TRHDE: variants seen among roughly 807,000 people sequenced by gnomAD.
The protein encoded by TRHDE is thyrotropin releasing hormone degrading enzyme.
In TRHDE, 72 loss-of-function variants were observed where a neutral mutation model predicts 125.7. The ratio of observed to expected loss-of-function variants is 0.57; its 90% CI spans 0.47 to 0.70. TRHDE has a LOEUF of 0.70. Among genes scored for constraint, TRHDE ranks in the 30% least tolerant of loss-of-function variants. The probability of loss-of-function intolerance (pLI) is 0.00; values close to 1 mark genes in which losing one functional copy is unlikely to be tolerated. For missense variants in TRHDE, 1,110 were observed against 1,327.1 expected, an observed-to-expected ratio of 0.84 and a Z score of 2.54; for synonymous variants, 509 against 509.1, an observed-to-expected ratio of 1.00 and a Z score of 0.00.
At chr12:72,187,477 C>CGTGGTGGTGGTGGTGGTG (rs1168433112) in intron 2 of TRHDE, among the ~76,000 whole-genome samples, 1 of 104,570 alleles carries the variant, frequency 9.6e-6, no homozygotes, top group Non-Finnish European at 2.0e-5. Context: ...TGGTTGTGGT[C>CGTGGTGGTGGTGGTGGTG]GTGGTGGTGG....
intron 3 of TRHDE, among the ~76,000 whole-genome samples, chr12:72,415,382 C>T (rs1263630732): frequency 6.6e-6 from 1 of 151,984 alleles, no homozygotes; most frequent in African/African-American, 2.4e-5. Context: ...TTGTTAGGAA[C>T]ATTCTAATCA....
chr12:72,212,423 A>G (rs929710790), intron 2 of TRHDE, among the ~76,000 whole-genome samples: 2 of 152,152 alleles, frequency 1.3e-5, no homozygotes, highest in Non-Finnish European at 2.9e-5. Flanking sequence ...TCAGGAAGTT[A>G]AAAGAATCCA....
intron 2 of TRHDE, among the ~76,000 whole-genome samples, chr12:72,323,140 T>C (rs1418272683): frequency 6.6e-6 from 1 of 152,136 alleles, no homozygotes; most frequent in Admixed American, 6.6e-5. Flanking sequence ...CAAAAATGTG[T>C]CTATATAAAG....
chr12:72,436,364 TTTAA>T (rs1380619132), intron 3 of TRHDE, among the ~76,000 whole-genome samples: 40 of 152,154 alleles, frequency 2.6e-4, no homozygotes, highest in South Asian at 2.1e-4. Flanking sequence ...GCTTGTTTAA[TTTAA>T]TTAATCATTT....
intron 2 of TRHDE, among the ~76,000 whole-genome samples, chr12:72,196,644 A>G (rs986911362): frequency 3.9e-5 from 6 of 151,980 alleles, no homozygotes; most frequent in African/African-American, 1.2e-4. Context: ...ACCTACTTAT[A>G]CCTATGCCAT....
Position 72,520,397 on chromosome 12 carries a change from T to C in TRHDE, c.1722+20762T>C, listed in dbSNP as rs185255002. ...GCGCAGTATTCGGGTGGGAGTGACC[T>C]GATTTTCCAGGTGCCGACCGTCACG... On this transcript the variant is annotated intron_variant, in intron 6 of 18. Transcript: ENST00000261180. Among the ~76,000 whole-genome samples, 244 of 152,286 alleles carry C rather than the reference T, an allele frequency of 1.6e-3. 2 individuals are homozygous for C. Among genetic ancestry groups the C allele is most frequent in the African/African-American group, 5.7e-3 (238 of 41,568 alleles).
At chr12:72,202,740 T>A (rs755133931) in intron 2 of TRHDE, among the ~76,000 whole-genome samples, 2 of 152,252 alleles carry the variant, frequency 1.3e-5, no homozygotes, top group African/African-American at 2.4e-5. Flanking sequence ...AGTCCTGACA[T>A]GCAATTCGGA....
At chr12:72,117,304 G>A (rs1393557981) in intron 2 of TRHDE, among the ~76,000 whole-genome samples, 1 of 152,044 alleles carries the variant, frequency 6.6e-6, no homozygotes, top group Non-Finnish European at 1.5e-5. Context: ...TCAATATCCA[G>A]TTTTCCCAGT....
chr12:72,521,369 G>A (rs1431232371), intron 6 of TRHDE, among the ~76,000 whole-genome samples: 1 of 152,118 alleles, frequency 6.6e-6, no homozygotes, highest in South Asian at 2.1e-4. Flanking sequence ...AACAGCATAA[G>A]GAGCTCAGAA....
intron 2 of TRHDE, among the ~76,000 whole-genome samples, chr12:72,108,649 G>T (rs538803632): frequency 3.3e-5 from 5 of 152,186 alleles, no homozygotes; most frequent in African/African-American, 9.6e-5. Flanking sequence ...GCAGTGACAG[G>T]TATTTGCGAG....
At chr12:72,431,733 A>G (rs1302208919) in intron 3 of TRHDE, 1 of 152,088 alleles carries the variant, frequency 6.6e-6, no homozygotes, top group Non-Finnish European at 1.5e-5. Context: ...GTTTATTGGC[A>G]TACCTGTTAC....
chr12:72,357,842 T>C (rs12425020), intron 2 of TRHDE, among the ~76,000 whole-genome samples: 12,027 of 151,434 alleles, frequency 0.079, 979 homozygotes, highest in African/African-American at 0.2. Context: ...CTTAAATATA[T>C]ACAATAAAAT....
At chr12:72,103,543 G>C (rs920803561) in intron 1 of TRHDE, among the ~76,000 whole-genome samples, 1 of 152,070 alleles carries the variant, frequency 6.6e-6, no homozygotes, top group African/African-American at 2.4e-5. Context: ...TCCTGTGGTA[G>C]GATTCTCTGT....
At chr12:72,148,844 G>A (rs190102978) in intron 2 of TRHDE, among the ~76,000 whole-genome samples, 2 of 152,146 alleles carry the variant, frequency 1.3e-5, no homozygotes, top group South Asian at 2.1e-4. Flanking sequence ...TTGTGAAAGC[G>A]ACTATCTTGC....
At chr12:72,323,828 G>GAAAT (rs1555176385) in intron 2 of TRHDE, among the ~76,000 whole-genome samples, 1 of 151,200 alleles carries the variant, frequency 6.6e-6, no homozygotes, top group Non-Finnish European at 1.5e-5. Flanking sequence ...TATGGAGCGA[G>GAAAT]AGAGAAAGAG....
At chr12:72,285,026 G>GA (rs1879829940) in intron 1 of TRHDE, among the ~76,000 whole-genome samples, 1 of 152,286 alleles carries the variant, frequency 6.6e-6, no homozygotes, top group African/African-American at 2.4e-5. Flanking sequence ...CCTTGTCTAT[G>GA]AAAATAAGTA....
At position 72,469,139 on chromosome 12, in the gene TRHDE, T is replaced by C. The variant is rs73344488; in HGVS notation, c.1316-619T>C. ...GGTCTTAAGAAATTAAGTGATTTAC[T>C]AATGTCGCATAGCCAGTTGGTGACA... is the stretch of plus-strand genomic sequence containing the variant. On this transcript the variant is annotated intron_variant, in intron 3 of 18. Transcript: ENST00000261180. 2.8e-3 allele frequency among the ~76,000 whole-genome samples: 433 copies of C among 152,332 alleles called. 3 individuals carry two copies. The highest frequency in any genetic ancestry group is 0.01 in the African/African-American group (420 of 41,578).
chr12:72,273,219 G>A lies in TRHDE; in HGVS notation c.576G>A (p.Pro192=), dbSNP rs370771943. 1.2e-5 allele frequency: 19 copies of A among 1,609,172 alleles called. No individual in the cohort carries two copies. The highest frequency in any genetic ancestry group is 1.6e-5 in the Non-Finnish European group (19 of 1,176,278). The part of the protein sequence containing the change: ...TQLRLSGHLK[P]LHYNLMLTAF... ...TGCGCCTGTCGGGCCACCTGAAGCCGCTGCACTACAATCTGATGCTCACCG... is the reference window on the plus strand; with the variant it reads ...TGCGCCTGTCGGGCCACCTGAAGCCACTGCACTACAATCTGATGCTCACCG... The change falls in exon 1 of 19, where the codon CCG becomes CCA. Residue 192 remains proline, a synonymous_variant. Transcript: ENST00000261180. This position sits in a 1 kb window ranked among gnomAD's most constrained non-coding sequence, Gnocchi z 5.3.
intron 7 of TRHDE, among the ~76,000 whole-genome samples, chr12:72,556,457 G>T (rs1004931843): frequency 2.0e-5 from 3 of 152,196 alleles, no homozygotes; most frequent in African/African-American, 7.2e-5. Flanking sequence ...TGAAGGTTTA[G>T]CTGTTCCCAT....
Sources: allele counts gnomAD v4.1 joint callset (sites outside exome capture counted in the v4.1 genomes callset), GRCh38; gene constraint gnomAD v4.1.1; non-coding constraint Gnocchi (gnomAD v3.1); transcripts MANE v1.5; gene names NCBI Gene and HGNC (gene_info 2026-07-23, HGNC 2026-07-21).